Variants in ATG13 observed in about 807,000 individuals in gnomAD.
ATG13 encodes autophagy related 13.
In ATG13, 23 loss-of-function variants were observed where a neutral mutation model predicts 65.5. The observed-to-expected ratio is 0.35, with a 90% CI of 0.25 to 0.50. ATG13 has a LOEUF of 0.50. Ranked by LOEUF, ATG13 falls within the 20% of genes least tolerant of loss-of-function variation. The pLI is 0.98. For missense variants in ATG13, 566 were observed against 677.0 expected, an observed-to-expected ratio of 0.84 and a Z score of 1.82; for synonymous variants, 252 against 245.2, an observed-to-expected ratio of 1.03 and a Z score of -0.26.
intron 15 of ATG13, 27 bp downstream of exon 15, chr11:46,667,914 G>T (rs771368116): frequency 2.6e-6 from 4 of 1,549,218 alleles, no homozygotes; most frequent in Admixed American, 1.7e-5. Flanking sequence ...TGCCACCTGT[G>T]AGAATGTCTG....
intron 1 of ATG13, among the ~76,000 whole-genome samples, chr11:46,628,352 G>A (rs1476633837): frequency 2.0e-5 from 3 of 152,144 alleles, no homozygotes; most frequent in East Asian, 3.9e-4. Flanking sequence ...CAGTGAGATC[G>A]TGCCACTGCA....
At chr11:46,671,555 G>A (rs1263957251) in intron 18 of ATG13, among the ~76,000 whole-genome samples, 21 of 152,142 alleles carry the variant, frequency 1.4e-4, no homozygotes, top group Admixed American at 1.4e-3. Context: ...GGGCAACATG[G>A]TGAAACCCTG....
intron 14 of ATG13, among the ~76,000 whole-genome samples, chr11:46,667,439 G>T (rs532853899): frequency 1.9e-4 from 29 of 152,212 alleles, no homozygotes; most frequent in Non-Finnish European, 3.5e-4. Flanking sequence ...GAGGAGAGGG[G>T]AGGAAACATG....
chr11:46,663,517 C>A (rs934651688), intron 11 of ATG13, among the ~76,000 whole-genome samples: 4 of 152,174 alleles, frequency 2.6e-5, no homozygotes, highest in Non-Finnish European at 5.9e-5. Flanking sequence ...GCCACCCCTT[C>A]AGCTGTTTGA....
chr11:46,648,770 C>T (rs1020518757), intron 5 of ATG13: 6 of 141,188 alleles, frequency 4.2e-5, no homozygotes, highest in Admixed American at 4.0e-4. Flanking sequence ...GAGTGAGACT[C>T]TGTCTTTAAA....
At chr11:46,630,531 G>A (rs1174198226) in intron 2 of ATG13, among the ~76,000 whole-genome samples, 2 of 150,978 alleles carry the variant, frequency 1.3e-5, no homozygotes, top group African/African-American at 4.9e-5. Context: ...AAAGCTGATA[G>A]GTAGACTTAT....
In ATG13 at chr11:46,657,604, T is replaced by C. The variant is rs1480194599; in HGVS notation, c.677T>C (p.Met226Thr). 6.2e-7 allele frequency: 1 copy of C among 1,605,322 alleles called. No individual in the cohort carries two copies. The change falls in exon 10 of 19, where the codon ATG (methionine) becomes ACG (threonine). Residue 226 changes from methionine to threonine, a missense_variant. Physicochemically the swap from Met to Thr is moderately conservative, Grantham distance 81. Coordinates refer to ENST00000683050, the MANE Select transcript of ATG13 (RefSeq NM_001346311.2). ...CGTCCCTATCCCAGCTCCTCTCCCA[T>C]GCACCCCTGCAATTACAGGTGAGGA... ...VDRPYPSSSPMHPCNYRTAGE... is the reference protein window; with the variant it reads ...VDRPYPSSSPTHPCNYRTAGE...
At chr11:46,624,490 T>A (rs1273608825) in intron 1 of ATG13, among the ~76,000 whole-genome samples, 1 of 147,250 alleles carries the variant, frequency 6.8e-6, no homozygotes, top group Non-Finnish European at 1.5e-5. Context: ...ATCTTCAGAT[T>A]TTTTTTTTTT....
intron 5 of ATG13, among the ~76,000 whole-genome samples, chr11:46,646,307 C>A (rs1319622551): frequency 6.6e-6 from 1 of 152,092 alleles, no homozygotes; most frequent in East Asian, 1.9e-4. Flanking sequence ...TGCCACCATG[C>A]CTGGCTAATT....
At chr11:46,635,712 A>G (rs1178960066) in intron 2 of ATG13, among the ~76,000 whole-genome samples, 1 of 152,196 alleles carries the variant, frequency 6.6e-6, no homozygotes, top group Non-Finnish European at 1.5e-5. Flanking sequence ...AACTGGACCT[A>G]AGGGAACACA....
intron 14 of ATG13, 112 bp downstream of exon 14, chr11:46,665,631 C>T (rs946747787): frequency 7.2e-7 from 1 of 1,395,230 alleles, no homozygotes; most frequent in Non-Finnish European, 9.6e-7. Flanking sequence ...TTGGCTGGGA[C>T]ATGGCATTTG....
At chr11:46,656,601 C>T (rs990400575) in intron 8 of ATG13, among the ~76,000 whole-genome samples, 1 of 152,114 alleles carries the variant, frequency 6.6e-6, no homozygotes, top group Non-Finnish European at 1.5e-5. Context: ...CCAAGAAAAT[C>T]AGGAAAGCTT....
intron 11 of ATG13, among the ~76,000 whole-genome samples, chr11:46,660,693 C>G (rs936664077): frequency 2.6e-5 from 4 of 151,234 alleles, no homozygotes; most frequent in African/African-American, 9.7e-5. Context: ...CAGGTGTGAG[C>G]CACTGCGCCC....
rs1185416477 is a variant in ATG13 at position 46,650,383 on chromosome 11, T to G, written c.458+66T>G. On this transcript the variant is annotated intron_variant, in intron 7 of 18. Coordinates refer to ENST00000683050, the MANE Select transcript of ATG13 (RefSeq NM_001346311.2). ...CCCTCACTTTGTACATTGTCTGGCA[T>G]TTAGATGTTCTGTGATGATGTTTTG... 7.7e-6 allele frequency: 12 copies of G among 1,552,072 alleles called. No individual in the cohort carries two copies. The South Asian group carries it at 1.4e-4, about 18-fold the overall frequency.
intron 1 of ATG13, among the ~76,000 whole-genome samples, chr11:46,628,465 T>G (rs549303012): frequency 6.8e-6 from 1 of 146,916 alleles, no homozygotes; most frequent in African/African-American, 2.5e-5. Flanking sequence ...CAGCAAATAG[T>G]TTTTTTTTTT....
chr11:46,630,604 A>G (rs1239226209), intron 2 of ATG13, among the ~76,000 whole-genome samples: 3 of 120,884 alleles, frequency 2.5e-5, no homozygotes, highest in African/African-American at 7.6e-5. Context: ...GTCTCCCTCT[A>G]TGACCCAGTC....
At chr11:46,650,667 G>A (rs1029528366) in intron 7 of ATG13, among the ~76,000 whole-genome samples, 5 of 152,192 alleles carry the variant, frequency 3.3e-5, no homozygotes, top group African/African-American at 9.7e-5. Context: ...GTGCAATGGC[G>A]CGATCTTGGC....
chr11:46,664,785 G>A (rs539122972), intron 12 of ATG13, 64 bp from the exon 13 acceptor site: 11 of 1,439,454 alleles, frequency 7.6e-6, no homozygotes, highest in Admixed American at 3.4e-5. Context: ...TGTTTGTCAC[G>A]CTCTGGGATT....
At chr11:46,617,921 T>C in intron 1 of ATG13, 31 bp downstream of exon 1, 2 of 399,072 alleles carry the variant, frequency 5.0e-6, no homozygotes, top group Non-Finnish European at 4.4e-6. Context: ...TACCCCAAGA[T>C]CTCTCAGCGC....
Sources: allele counts gnomAD v4.1 joint callset (sites outside exome capture counted in the v4.1 genomes callset), GRCh38; gene constraint gnomAD v4.1.1; transcripts MANE v1.5; gene names NCBI Gene and HGNC (gene_info 2026-07-23, HGNC 2026-07-21).